DGKI: variants seen among roughly 807,000 people sequenced by gnomAD.
The protein encoded by DGKI is diacylglycerol kinase iota.
In DGKI, 55 loss-of-function variants were observed where a neutral mutation model predicts 147.5. That is an observed-to-expected ratio of 0.37 (90% CI 0.30 to 0.47). The LOEUF is 0.47. Ranked by LOEUF, DGKI falls within the 20% of genes least tolerant of loss-of-function variation. The pLI, the probability that DGKI is intolerant of heterozygous loss-of-function variation, is 1.00. For missense variants in DGKI, 1,007 were observed against 1,323.8 expected, an observed-to-expected ratio of 0.76 and a Z score of 3.71; for synonymous variants, 469 against 477.1, an observed-to-expected ratio of 0.98 and a Z score of 0.22.
chr7:137,609,150 T>C, intron 9 of DGKI, 86 bp from the exon 10 acceptor site: 1 of 995,686 alleles, frequency 1.0e-6, no homozygotes, highest in Admixed American at 2.0e-5. Flanking sequence ...AACCACCCAA[T>C]AATACATTTT....
chr7:137,427,601 A>T (rs946144059), intron 28 of DGKI, among the ~76,000 whole-genome samples: 10 of 152,166 alleles, frequency 6.6e-5, no homozygotes, highest in Non-Finnish European at 1.3e-4. Context: ...AAAAAATTAA[A>T]GAATCCAGGA....
intron 12 of DGKI, among the ~76,000 whole-genome samples, chr7:137,588,422 A>G (rs986990343): frequency 7.3e-5 from 11 of 151,700 alleles, no homozygotes; most frequent in Non-Finnish European, 1.6e-4. Context: ...CAGATAAGGT[A>G]GAAAGATTGC....
At position 137,615,830 on chromosome 7, in the gene DGKI, C is replaced by T. The variant is rs375144866; in HGVS notation, c.993+3994G>A. On this transcript the variant is annotated intron_variant, in intron 8 of 32. Transcript: ENST00000614521. ...TGTCTATAGAATTTAACATTGGTGT[C>T]GAAGAGTTTCAATAGAAGAGTTTAA... 1.1e-4 allele frequency among the ~76,000 whole-genome samples: 17 copies of T among 151,862 alleles called. No homozygotes were observed. In the East Asian group the frequency reaches 1.5e-3, roughly 14 times the overall value.
Position 137,387,088 on chromosome 7 carries a change from T to A in DGKI, c.*4132A>T, listed in dbSNP as rs1811197528. On this transcript the variant is annotated 3_prime_UTR_variant, in exon 33 of 33. Coordinates refer to ENST00000614521, the MANE Select transcript of DGKI (RefSeq NM_001321708.2). ...AGCTGCTCAGACCCCCATACTACAC[T>A]GAAGTTACACCTTCCCGGAAGTAGC... 1.3e-5 allele frequency: 2 copies of A among 152,122 alleles called. No individual in the cohort carries two copies. Among genetic ancestry groups the A allele is most frequent in the Non-Finnish European group, 2.9e-5 (2 of 68,012 alleles). The allele number at this position is 152,122 out of a possible 1,614,324, so 9.4% of individuals were successfully genotyped here.
At chr7:137,770,096 G>A (rs371420733) in intron 1 of DGKI, among the ~76,000 whole-genome samples, 1 of 152,240 alleles carries the variant, frequency 6.6e-6, no homozygotes, top group East Asian at 1.9e-4. Flanking sequence ...GTGATAGACT[G>A]GATAAAGAAA....
At chr7:137,743,175 T>C (rs569744755) in intron 1 of DGKI, among the ~76,000 whole-genome samples, 2 of 152,264 alleles carry the variant, frequency 1.3e-5, no homozygotes, top group East Asian at 3.9e-4. Flanking sequence ...AGACACACGA[T>C]AACAGTAGGG....
At chr7:137,561,100 G>A (rs1243957517) in intron 19 of DGKI, among the ~76,000 whole-genome samples, 2 of 151,484 alleles carry the variant, frequency 1.3e-5, no homozygotes, top group African/African-American at 4.9e-5. Context: ...AAGGAAACCA[G>A]TATATTGAAG....
At chr7:137,506,195 T>A (rs551989656) in intron 21 of DGKI, among the ~76,000 whole-genome samples, 1 of 152,326 alleles carries the variant, frequency 6.6e-6, no homozygotes, top group East Asian at 1.9e-4. Context: ...CCAAAACTTG[T>A]AAGCAACTAA....
intron 7 of DGKI, among the ~76,000 whole-genome samples, chr7:137,622,200 G>C (rs1820772777): frequency 6.6e-6 from 1 of 152,068 alleles, no homozygotes; most frequent in Non-Finnish European, 1.5e-5. Context: ...TAGGAGGCTA[G>C]AGATATTATT....
intron 28 of DGKI, among the ~76,000 whole-genome samples, chr7:137,424,163 A>T (rs1264125552): frequency 6.6e-6 from 1 of 152,238 alleles, no homozygotes; most frequent in Non-Finnish European, 1.5e-5. Flanking sequence ...ATATCATGCT[A>T]AATTGATTAA....
chr7:137,816,882 G>A (rs1030197646), intron 1 of DGKI, among the ~76,000 whole-genome samples: 1 of 152,070 alleles, frequency 6.6e-6, no homozygotes, highest in African/African-American at 2.4e-5. Context: ...TGACACTTTG[G>A]ACCAGAGAGT....
At chr7:137,522,339 T>C (rs535373774) in intron 20 of DGKI, among the ~76,000 whole-genome samples, 3 of 152,108 alleles carry the variant, frequency 2.0e-5, no homozygotes, top group African/African-American at 7.2e-5. Context: ...CACAGGCAGA[T>C]ATGCACATCA....
At chr7:137,550,029 T>C (rs1049813806) in intron 20 of DGKI, among the ~76,000 whole-genome samples, 3 of 152,226 alleles carry the variant, frequency 2.0e-5, no homozygotes, top group East Asian at 3.8e-4. Flanking sequence ...TAAATATTCA[T>C]TAATAAAATG....
At chr7:137,393,249 C>G (rs1811431620) in intron 32 of DGKI, among the ~76,000 whole-genome samples, 1 of 151,788 alleles carries the variant, frequency 6.6e-6, no homozygotes, top group African/African-American at 2.4e-5. Context: ...AAAGCAGACA[C>G]ATACACAACA....
chr7:137,484,165 A>C (rs1585159538), intron 23 of DGKI, among the ~76,000 whole-genome samples: 1 of 152,032 alleles, frequency 6.6e-6, no homozygotes, highest in Admixed American at 6.6e-5. Context: ...CACAAATAAG[A>C]ACACAAAGGC....
chr7:137,654,633 G>T (rs1585333310), intron 5 of DGKI, 99 bp downstream of exon 5: 2 of 900,586 alleles, frequency 2.2e-6, no homozygotes, highest in East Asian at 2.5e-5. Flanking sequence ...AACAGAAAGA[G>T]ATAGAATTTA....
intron 1 of DGKI, chr7:137,722,452 C>A (rs796738770): frequency 6.2e-7 from 1 of 1,610,744 alleles, no homozygotes; most frequent in East Asian, 2.2e-5. Flanking sequence ...CCTCACTGGA[C>A]GCCACAGGGG....
intron 2 of DGKI, among the ~76,000 whole-genome samples, chr7:137,680,378 T>C (rs963147387): frequency 6.6e-6 from 1 of 152,224 alleles, no homozygotes; most frequent in African/African-American, 2.4e-5. Context: ...AGAATAATCA[T>C]GTAATGAAAA....
intron 20 of DGKI, among the ~76,000 whole-genome samples, chr7:137,522,927 C>CA (rs1219325506): frequency 6.6e-6 from 1 of 151,144 alleles, no homozygotes; most frequent in Non-Finnish European, 1.5e-5. Flanking sequence ...AGAGGCTTCT[C>CA]TTTTTTTTTA....
Sources: gnomAD v4.1 joint callset for allele counts (sites outside exome capture counted in the v4.1 genomes callset) on GRCh38, gnomAD v4.1.1 for gene constraint, MANE v1.5 for transcripts, NCBI Gene and HGNC (gene_info 2026-07-23, HGNC 2026-07-21) for gene names.